Variants in VPS45 observed in about 807,000 individuals in gnomAD.
VPS45 encodes the protein vacuolar protein sorting 45 homolog, also known as vacuolar protein sorting-associated protein 45.
In VPS45, 35 loss-of-function variants were observed where a neutral mutation model predicts 75.9. The observed-to-expected ratio is 0.46, with a 90% CI of 0.35 to 0.61. VPS45 has a LOEUF of 0.61. Among genes scored for constraint, VPS45 ranks in the 20% least tolerant of loss-of-function variants. VPS45 has a pLI of 0.00. For synonymous variants in VPS45, 220 were observed against 238.2 expected (o/e 0.92, Z 0.70); for missense variants, 559 against 685.9 (o/e 0.81, Z 2.07).
chr1:150,115,582 G>A (rs920889129), intron 14 of VPS45, among the ~76,000 whole-genome samples: 24 of 152,098 alleles, frequency 1.6e-4, no homozygotes, highest in Admixed American at 2.0e-4. Flanking sequence ...ATCTTAAGAA[G>A]GATTTTATCT....
intron 11 of VPS45, 60 bp downstream of exon 11, chr1:150,092,155 C>A: frequency 6.4e-7 from 1 of 1,554,868 alleles, no homozygotes. Flanking sequence ...ATATTCTTAG[C>A]TCTAACGAAT....
chr1:150,077,804 T>C (rs1553798472), intron 7 of VPS45, 25 bp downstream of exon 7: 2 of 1,542,288 alleles, frequency 1.3e-6, no homozygotes, highest in Admixed American at 3.3e-5. Context: ...CTTGGCATAA[T>C]AGAAGGATAA....
At chr1:150,112,614 G>A (rs1209429344) in intron 14 of VPS45, among the ~76,000 whole-genome samples, 1 of 152,016 alleles carries the variant, frequency 6.6e-6, no homozygotes, top group Non-Finnish European at 1.5e-5. Context: ...GACACCAACT[G>A]GATATTTAGC....
At chr1:150,084,447 G>GAGA (rs1468212322) in intron 10 of VPS45, among the ~76,000 whole-genome samples, 2 of 152,144 alleles carry the variant, frequency 1.3e-5, no homozygotes, top group Admixed American at 6.5e-5. Context: ...ATTTCAAAGG[G>GAGA]AGAAGAATTA....
intron 14 of VPS45, among the ~76,000 whole-genome samples, chr1:150,129,018 C>T (rs11584091): frequency 0.11 from 16,132 of 150,002 alleles, 1,198 homozygotes; most frequent in Non-Finnish European, 0.17. Context: ...CCACTGCATC[C>T]GGCAAAGAGA....
intron 14 of VPS45, among the ~76,000 whole-genome samples, chr1:150,134,889 A>G (rs1571915347): frequency 2.0e-5 from 3 of 152,352 alleles, no homozygotes; most frequent in Middle Eastern, 6.8e-3. Context: ...GAATATTGAC[A>G]GAATATTATG....
intron 2 of VPS45, among the ~76,000 whole-genome samples, chr1:150,071,202 T>A (rs945473897): frequency 2.6e-5 from 4 of 152,142 alleles, no homozygotes; most frequent in Non-Finnish European, 5.9e-5. Context: ...TTTAACCAGG[T>A]GTTATAGTAT....
chr1:150,129,586 G>A (rs1490822392), intron 14 of VPS45, among the ~76,000 whole-genome samples: 1 of 151,938 alleles, frequency 6.6e-6, no homozygotes, highest in Non-Finnish European at 1.5e-5. Context: ...TTGAGACGGA[G>A]TCTTGCTCTG....
chr1:150,109,374 C>T (rs1407838031), intron 13 of VPS45: 1 of 152,066 alleles, frequency 6.6e-6, no homozygotes, highest in Non-Finnish European at 1.5e-5. Flanking sequence ...ACTATCTGAA[C>T]ATTTTAAAAT....
At chr1:150,093,985 C>T (rs1292970932) in intron 13 of VPS45, among the ~76,000 whole-genome samples, 1 of 152,198 alleles carries the variant, frequency 6.6e-6, no homozygotes, top group Admixed American at 6.5e-5. Flanking sequence ...AGGCTTGCTG[C>T]TTGATTGCCA....
intron 14 of VPS45, chr1:150,142,734 T>C: frequency 5.5e-6 from 2 of 360,412 alleles, no homozygotes; most frequent in South Asian, 2.0e-5. Context: ...GGCACAATCT[T>C]GGCTCACTGC....
intron 14 of VPS45, among the ~76,000 whole-genome samples, chr1:150,131,459 C>A (rs1195194791): frequency 6.6e-6 from 1 of 152,042 alleles, no homozygotes; most frequent in Non-Finnish European, 1.5e-5. Context: ...TGCAGTGAGA[C>A]AAGATCGCAC....
chr1:150,082,244 C>T (rs1281822420), intron 9 of VPS45, among the ~76,000 whole-genome samples: 6 of 152,150 alleles, frequency 3.9e-5, no homozygotes, highest in Non-Finnish European at 8.8e-5. Flanking sequence ...CAGTGGCTCA[C>T]GCCTGTAATC....
intron 10 of VPS45, among the ~76,000 whole-genome samples, chr1:150,086,971 C>CAAAAA (rs1553800822): frequency 2.0e-5 from 3 of 149,278 alleles, no homozygotes; most frequent in Non-Finnish European, 3.0e-5. Context: ...TAAACTAAAA[C>CAAAAA]AAAAAAAAAG....
At position 150,126,625 on chromosome 1, in the gene VPS45, T is replaced by A. The variant is rs148502668; in HGVS notation, c.1625+15998T>A. Among the ~76,000 whole-genome samples, 653 of 152,292 alleles carry A rather than the reference T, an allele frequency of 4.3e-3. 4 individuals are homozygous for A. The highest frequency in any genetic ancestry group is 0.015 in the African/African-American group (618 of 41,566). On this transcript the variant is annotated intron_variant, in intron 14 of 14. Transcript: ENST00000644510. ...TGGCAAACTCATCAAAGAATATCCTTGATATCAGTGAATTTTATTGTCTAT... is the reference window on the plus strand; with the variant it reads ...TGGCAAACTCATCAAAGAATATCCTAGATATCAGTGAATTTTATTGTCTAT...
rs186292520 is a variant in VPS45 at position 150,137,487 on chromosome 1, C to T, written c.1626-7222C>T. ...TGTCCTGTCATAGGGGATGAATGCTCCTAGCTGGGGCTAGCTCTTCCACTT... is the reference window on the plus strand; with the variant it reads ...TGTCCTGTCATAGGGGATGAATGCTTCTAGCTGGGGCTAGCTCTTCCACTT... On this transcript the variant is annotated intron_variant, in intron 14 of 14. Coordinates refer to ENST00000644510, the MANE Select transcript of VPS45 (RefSeq NM_007259.5). 2.2e-3 allele frequency among the ~76,000 whole-genome samples: 331 copies of T among 152,324 alleles called. 1 individual carries two copies. Among genetic ancestry groups the T allele is most frequent in the Middle Eastern group, 0.01 (3 of 294 alleles).
At chr1:150,105,025 A>C (rs1480736358) in intron 13 of VPS45, among the ~76,000 whole-genome samples, 1 of 152,164 alleles carries the variant, frequency 6.6e-6, no homozygotes, top group Non-Finnish European at 1.5e-5. Flanking sequence ...AATGTTTTCC[A>C]CAGAGGTTGA....
rs782774243 is a variant in VPS45, at chr1:150,144,807, G to A, written c.*11G>A. 3.7e-6 allele frequency: 6 copies of A among 1,613,900 alleles called. No homozygotes were observed. The Admixed American group carries it at 5.0e-5, about 13-fold the overall frequency. On this transcript the variant is annotated 3_prime_UTR_variant, in exon 15 of 15. Coordinates refer to ENST00000644510, the MANE Select transcript of VPS45 (RefSeq NM_007259.5). ...GCGAGCAGAAGATGAAACGGTGGTT[G>A]GGGGAAGGGCACAGCTTCCTCTCTT...
At chr1:150,124,251 G>A (rs1313650317) in intron 14 of VPS45, among the ~76,000 whole-genome samples, 1 of 152,074 alleles carries the variant, frequency 6.6e-6, no homozygotes, top group Non-Finnish European at 1.5e-5. Flanking sequence ...ACGAGGTCTG[G>A]AGTTCAAGAC....
Sources: allele counts gnomAD v4.1 joint callset (sites outside exome capture counted in the v4.1 genomes callset), GRCh38; gene constraint gnomAD v4.1.1; transcripts MANE v1.5; gene names NCBI Gene and HGNC (gene_info 2026-07-23, HGNC 2026-07-21).